KARS1: variants seen among roughly 807,000 people sequenced by gnomAD.
The protein encoded by KARS1 is lysine--tRNA ligase.
A neutral mutation model predicts 63.9 loss-of-function variants in KARS1; 50 were observed. The observed-to-expected ratio is 0.78, with a 90% confidence interval of 0.62 to 0.99. The LOEUF is 0.99. Among genes scored for constraint, KARS1 ranks in the 50% least tolerant of loss-of-function variants. The probability of loss-of-function intolerance (pLI) is 0.00; values close to 1 mark genes in which losing one functional copy is unlikely to be tolerated. For missense variants in KARS1, 816 were observed against 754.5 expected, an observed-to-expected ratio of 1.08 and a Z score of -0.95; for synonymous variants, 320 against 264.6, an observed-to-expected ratio of 1.21 and a Z score of -2.03.
intron 12 of KARS1, chr16:75,629,103 T>G: frequency 2.1e-6 from 1 of 465,494 alleles, no homozygotes; most frequent in Non-Finnish European, 3.9e-6. Flanking sequence ...CATTCATCTC[T>G]ACCTACCTCC....
intron 9 of KARS1, 64 bp downstream of exon 9, chr16:75,631,352 A>G (rs1567498847): frequency 1.6e-5 from 26 of 1,586,732 alleles, no homozygotes; most frequent in South Asian, 4.4e-5. Context: ...CTCTGACCCA[A>G]TCAAATTCAG....
rs876657479 is a variant in KARS1, at chr16:75,635,767, C to T, written c.708G>A (p.Leu236=). The T allele has an allele frequency of 1.2e-6, 2 of 1,614,142 alleles. No homozygotes were observed. Among genetic ancestry groups the T allele is most frequent in the Non-Finnish European group, 1.7e-6 (2 of 1,180,004 alleles). ...RYRQRYLDLI[L]NDFVRQKFII... is the part of the protein sequence containing the mutation. Reference sequence around the variant, plus strand: ...TAAATTTCTGCCTCACAAAGTCATTCAGGATCAAGTCCAAGTATCTCTGGC... The same window carrying T: ...TAAATTTCTGCCTCACAAAGTCATTTAGGATCAAGTCCAAGTATCTCTGGC... The change falls in exon 6 of 14, where the codon CTG becomes CTA. Residue 236 remains leucine (L), a synonymous_variant. Coordinates refer to ENST00000302445, the MANE Select transcript of KARS1 (RefSeq NM_005548.3).
At chr16:75,629,903 GCAACAAATCATTTGGTA>G (rs1310220500) in intron 11 of KARS1, among the ~76,000 whole-genome samples, 5 of 152,204 alleles carry the variant, frequency 3.3e-5, no homozygotes, top group African/African-American at 1.2e-4. Flanking sequence ...TGCAGTCTCA[GCAACAAATCATTTGGTA>G]CAACGGTGAG....
chr16:75,628,828 A>T, intron 12 of KARS1, 116 bp from the exon 13 acceptor site: 1 of 1,068,364 alleles, frequency 9.4e-7, no homozygotes, highest in Non-Finnish European at 1.4e-6. Flanking sequence ...TGCTCCTGAC[A>T]CTCAGGACTT....
intron 12 of KARS1, 72 bp from the exon 13 acceptor site, chr16:75,628,784 A>G: frequency 1.3e-6 from 2 of 1,528,950 alleles, no homozygotes; most frequent in Non-Finnish European, 1.8e-6. Flanking sequence ...ACATGTTACC[A>G]GGCTCCGAGG....
rs1232893854 is a variant in KARS1, at chr16:75,629,448, C to T, written c.1518G>A (p.Met506Ile). The T allele has an allele frequency of 1.9e-6, 3 of 1,614,194 alleles. No individual in the cohort carries two copies. Among genetic ancestry groups the T allele is most frequent in the Admixed American group, 3.3e-5 (2 of 60,030 alleles). The change falls in exon 12 of 14, where the codon ATG becomes ATA. Residue 506 changes from methionine (M) to isoleucine (I), a missense_variant. Met to Ile is a conservative substitution (Grantham distance 10). Coordinates refer to ENST00000302445, the MANE Select transcript of KARS1 (RefSeq NM_005548.3). ...GTTCTTCAAAAAGCTGCCGCTGCCGCATGGGATCATTCAGCTCAGTATACG... is the reference window on the plus strand; with the variant it reads ...GTTCTTCAAAAAGCTGCCGCTGCCGTATGGGATCATTCAGCTCAGTATACG... ...CNAYTELNDP[M>I]RQRQLFEEQA...
intron 1 of KARS1, among the ~76,000 whole-genome samples, chr16:75,645,629 C>G (rs1287881991): frequency 6.6e-6 from 1 of 152,070 alleles, no homozygotes; most frequent in African/African-American, 2.4e-5. Flanking sequence ...GACGGATCAC[C>G]TGAGCTCAGC....
intron 7 of KARS1, among the ~76,000 whole-genome samples, chr16:75,633,178 T>C (rs2082130395): frequency 6.6e-6 from 1 of 152,234 alleles, no homozygotes; most frequent in Non-Finnish European, 1.5e-5. Context: ...ACTAAATAAA[T>C]GCCTGGAGTG....
intron 2 of KARS1, 67 bp downstream of exon 2, chr16:75,641,497 G>GA: frequency 7.0e-7 from 1 of 1,432,854 alleles, no homozygotes; most frequent in Non-Finnish European, 9.7e-7. Context: ...CAGTCCCAAA[G>GA]AATCTGCCAG....
chr16:75,641,565 T>G lies in KARS1; in HGVS notation c.221A>C (p.Asn74Thr), dbSNP rs1433928518. 1.2e-6 allele frequency: 2 copies of G among 1,612,910 alleles called. No individual in the cohort carries two copies. The highest frequency in any genetic ancestry group is 8.5e-7 in the Non-Finnish European group (1 of 1,179,498). Residue 74 changes from asparagine to threonine, a missense_variant and splice_region_variant, in exon 2 of 14, where the codon AAT (asparagine) becomes ACT (threonine). Asn to Thr is a moderately conservative substitution (Grantham distance 65). Coordinates refer to ENST00000302445, the MANE Select transcript of KARS1 (RefSeq NM_005548.3). ...VGPEEESVDP[N>T]QYYKIRSQAI... ...ATGCTGGTGGCCCAGGGAACTCACA[T>G]TTGGGTCCACGCTCTCTTCCTCAGG...
intron 6 of KARS1, 136 bp from the exon 7 acceptor site, chr16:75,634,428 T>C: frequency 3.5e-6 from 3 of 861,756 alleles, no homozygotes; most frequent in South Asian, 2.9e-5. Flanking sequence ...AATGTGCAAG[T>C]GCTTGACAAA....
chr16:75,641,062 G>C (rs550446968), intron 2 of KARS1, among the ~76,000 whole-genome samples: 1 of 152,216 alleles, frequency 6.6e-6, no homozygotes, highest in East Asian at 1.9e-4. Context: ...CCAGTTACTT[G>C]GGAGGCTGAG....
intron 7 of KARS1, among the ~76,000 whole-genome samples, chr16:75,633,651 G>C (rs1443018319): frequency 6.6e-6 from 1 of 151,858 alleles, no homozygotes; most frequent in African/African-American, 2.4e-5. Context: ...CCAAGTAGCT[G>C]GGATTACAGG....
chr16:75,635,645 G>T, intron 6 of KARS1, 35 bp downstream of exon 6: 2 of 1,612,112 alleles, frequency 1.2e-6, no homozygotes, highest in Non-Finnish European at 1.7e-6. Flanking sequence ...GCATTGCAAG[G>T]CAGCTCATCA....
chr16:75,630,557 T>C, intron 10 of KARS1, 49 bp from the exon 11 acceptor site: 2 of 1,188,972 alleles, frequency 1.7e-6, no homozygotes, highest in Non-Finnish European at 2.5e-6. Flanking sequence ...GAATAGTATT[T>C]GATCGTCCCA....
intron 1 of KARS1, 62 bp from the exon 2 acceptor site, chr16:75,641,785 C>T: frequency 7.0e-6 from 11 of 1,561,452 alleles, no homozygotes; most frequent in Non-Finnish European, 9.7e-6. Context: ...ATGTTCTGCC[C>T]CTAGCAACTT....
chr16:75,630,348 A>T, intron 11 of KARS1, 75 bp downstream of exon 11: 1 of 1,011,038 alleles, frequency 9.9e-7, no homozygotes, highest in Non-Finnish European at 1.5e-6. Flanking sequence ...GTCAAACCAC[A>T]AAATCTTGAC....
intron 3 of KARS1, 128 bp downstream of exon 3, chr16:75,640,056 T>C (rs545430792): frequency 2.5e-6 from 2 of 787,480 alleles, no homozygotes; most frequent in African/African-American, 3.4e-5. Context: ...AATGGCACTG[T>C]CCTTAGTAAA....
At chr16:75,634,719 G>A (rs1409222032) in intron 6 of KARS1, among the ~76,000 whole-genome samples, 2 of 152,148 alleles carry the variant, frequency 1.3e-5, no homozygotes, top group African/African-American at 4.8e-5. Flanking sequence ...GGGACTACAG[G>A]TGCCTGCCAC....
Sources: gnomAD v4.1 joint callset for allele counts (sites outside exome capture counted in the v4.1 genomes callset) on GRCh38, gnomAD v4.1.1 for gene constraint, MANE v1.5 for transcripts, NCBI Gene and HGNC (gene_info 2026-07-23, HGNC 2026-07-21) for gene names.